Variants in MSRA observed in about 807,000 individuals in gnomAD.
MSRA encodes the protein methionine sulfoxide reductase A, also known as mitochondrial peptide methionine sulfoxide reductase.
A neutral mutation model predicts 31.3 loss-of-function variants in MSRA; 54 were observed. The ratio of observed to expected loss-of-function variants is 1.73; its 90% CI spans 1.39 to 2.17. The LOEUF (loss-of-function observed/expected upper bound fraction) is 2.17, where lower values mean the gene tolerates loss of function less well. MSRA is among the 30% of genes most tolerant of loss of function. MSRA has a pLI of 0.00. For synonymous variants in MSRA, 169 were observed against 116.5 expected, an observed-to-expected ratio of 1.45 and a Z score of -2.90; for missense variants, 507 against 300.9, an observed-to-expected ratio of 1.69 and a Z score of -5.07.
At chr8:10,190,221 G>A (rs1026446419) in intron 1 of MSRA, among the ~76,000 whole-genome samples, 1 of 152,094 alleles carries the variant, frequency 6.6e-6, no homozygotes, top group African/African-American at 2.4e-5. Flanking sequence ...ACCTTCCGTT[G>A]AGCCTGCCCC....
At chr8:10,345,636 C>T (rs1443986075) in intron 5 of MSRA, among the ~76,000 whole-genome samples, 1 of 152,072 alleles carries the variant, frequency 6.6e-6, no homozygotes, top group East Asian at 1.9e-4. Flanking sequence ...AATGTATTTT[C>T]CAAAAACTTA....
At chr8:10,076,380 G>A (rs1477777927) in intron 1 of MSRA, among the ~76,000 whole-genome samples, 4 of 152,192 alleles carry the variant, frequency 2.6e-5, no homozygotes, top group Non-Finnish European at 5.9e-5. Context: ...AGCTGTAGGT[G>A]CACATGGCCT....
intron 1 of MSRA, among the ~76,000 whole-genome samples, chr8:10,115,064 G>C (rs1258724958): frequency 6.6e-6 from 1 of 152,178 alleles, no homozygotes; most frequent in East Asian, 1.9e-4. Flanking sequence ...GAACAAAAGA[G>C]AAGTCCCAGG....
intron 5 of MSRA, chr8:10,411,580 A>AT (rs1430902673): frequency 6.6e-6 from 1 of 152,146 alleles, no homozygotes; most frequent in Non-Finnish European, 1.5e-5. Context: ...CCAAGGGAGA[A>AT]TTTCTGCTTG....
At chr8:10,306,613 G>A (rs1307850621) in intron 4 of MSRA, among the ~76,000 whole-genome samples, 1 of 152,090 alleles carries the variant, frequency 6.6e-6, no homozygotes, top group East Asian at 1.9e-4. Flanking sequence ...TTGCTCAAAA[G>A]CCTCCTTAAG....
At chr8:10,377,618 C>T (rs1805827995) in intron 5 of MSRA, among the ~76,000 whole-genome samples, 1 of 152,162 alleles carries the variant, frequency 6.6e-6, no homozygotes, top group African/African-American at 2.4e-5. Context: ...AGATGTAATA[C>T]CAAAATGGCT....
At chr8:10,384,800 G>A (rs1375760019) in intron 5 of MSRA, among the ~76,000 whole-genome samples, 1 of 152,126 alleles carries the variant, frequency 6.6e-6, no homozygotes, top group African/African-American at 2.4e-5. Flanking sequence ...TTGAGGACAG[G>A]AGTTTGAGAC....
At chr8:10,103,599 A>T (rs1278620022) in intron 1 of MSRA, among the ~76,000 whole-genome samples, 1 of 152,210 alleles carries the variant, frequency 6.6e-6, no homozygotes, top group African/African-American at 2.4e-5. Flanking sequence ...AACATGGGAG[A>T]CAATTATCTA....
intron 1 of MSRA, among the ~76,000 whole-genome samples, chr8:10,062,190 A>T (rs1373376362): frequency 6.6e-6 from 1 of 152,178 alleles, no homozygotes; most frequent in African/African-American, 2.4e-5. Flanking sequence ...GCCATCAATC[A>T]TCCGTTCCTC....
At chr8:10,147,839 GC>G (rs915424867) in intron 1 of MSRA, among the ~76,000 whole-genome samples, 7 of 152,236 alleles carry the variant, frequency 4.6e-5, no homozygotes, top group African/African-American at 1.7e-4. Flanking sequence ...TGTCACTCCA[GC>G]GAGTTCACCG....
At chr8:10,298,778 A>T (rs76624652) in intron 3 of MSRA, among the ~76,000 whole-genome samples, 20 of 152,190 alleles carry the variant, frequency 1.3e-4, no homozygotes, top group Admixed American at 3.9e-4. Flanking sequence ...TCTTATGAGT[A>T]TACCACGTTT....
At chr8:10,081,515 A>T (rs1015691707) in intron 1 of MSRA, among the ~76,000 whole-genome samples, 7 of 151,922 alleles carry the variant, frequency 4.6e-5, no homozygotes, top group Non-Finnish European at 7.4e-5. Context: ...TTTGAGTTGG[A>T]GTCTTACTCT....
intron 1 of MSRA, chr8:10,096,004 A>C: frequency 6.9e-7 from 1 of 1,445,782 alleles, no homozygotes; most frequent in South Asian, 1.5e-5. Context: ...CCTGCTTTCA[A>C]ATCAAATCAG....
At chr8:10,088,258 A>G (rs1798672685) in intron 1 of MSRA, among the ~76,000 whole-genome samples, 1 of 152,228 alleles carries the variant, frequency 6.6e-6, no homozygotes, top group African/African-American at 2.4e-5. Context: ...TATAGCCATT[A>G]TGGAAAACAG....
At chr8:10,210,583 T>G (rs1048640862) in intron 2 of MSRA, among the ~76,000 whole-genome samples, 4 of 152,188 alleles carry the variant, frequency 2.6e-5, no homozygotes. Flanking sequence ...TTGACCACAG[T>G]AGCATGTATT....
rs140591712 is a variant in MSRA at position 10,217,876 on chromosome 8, A to G, written c.211+9975A>G. Among the ~76,000 whole-genome samples, 844 of 152,260 alleles carry G rather than the reference A, an allele frequency of 5.5e-3. 6 individuals are homozygous for G. The highest frequency in any genetic ancestry group is 9.9e-3 in the Non-Finnish European group (673 of 68,010). ...TGAGCCAGATCGCGTATACATTGCA[A>G]TTGGTTAATATAAATAGTTTCTTTT... On this transcript the variant is annotated intron_variant, in intron 2 of 5. Transcript: ENST00000317173.
intron 5 of MSRA, among the ~76,000 whole-genome samples, chr8:10,330,435 T>C (rs530497482): frequency 6.6e-6 from 1 of 152,372 alleles, no homozygotes; most frequent in South Asian, 2.1e-4. Context: ...TTGTGTTTTC[T>C]TTTCAACATC....
chr8:10,149,265 G>A (rs1174802827), intron 1 of MSRA, among the ~76,000 whole-genome samples: 1 of 152,058 alleles, frequency 6.6e-6, no homozygotes, highest in African/African-American at 2.4e-5. Context: ...GGGATTACAG[G>A]TGCCCACCAC....
chr8:10,407,162 C>T (rs566162628), intron 5 of MSRA, among the ~76,000 whole-genome samples: 19 of 152,338 alleles, frequency 1.2e-4, no homozygotes, highest in Non-Finnish European at 2.5e-4. Flanking sequence ...TAGGCAGAAG[C>T]CACCATGCCC....
Sources: allele counts gnomAD v4.1 joint callset (sites outside exome capture counted in the v4.1 genomes callset), GRCh38; gene constraint gnomAD v4.1.1; transcripts MANE v1.5; gene names NCBI Gene and HGNC (gene_info 2026-07-23, HGNC 2026-07-21).